The following SERPINB7 variants were observed in gnomAD, a reference collection of about 807,000 sequenced individuals.
SERPINB7 encodes serpin family B member 7, also known as serpin B7.
In SERPINB7, 31 loss-of-function variants were observed where a neutral mutation model predicts 37.4. That is an observed-to-expected ratio of 0.83 (90% CI 0.62 to 1.12). The LOEUF (loss-of-function observed/expected upper bound fraction) is 1.12. Ranked by LOEUF, SERPINB7 falls within the 50% of genes most tolerant of loss-of-function variation. The pLI is 0.00. For missense variants in SERPINB7, 521 were observed against 455.3 expected (o/e 1.14, Z -1.31); for synonymous variants, 163 against 166.1 (o/e 0.98, Z 0.14).
At chr18:63,785,429 A>G (rs1278858221) in intron 2 of SERPINB7, among the ~76,000 whole-genome samples, 1 of 152,090 alleles carries the variant, frequency 6.6e-6, no homozygotes, top group Non-Finnish European at 1.5e-5. Flanking sequence ...AATCCTTCCC[A>G]ATAACTTTAA....
At chr18:63,767,313 A>G (rs1231293451) in intron 1 of SERPINB7, among the ~76,000 whole-genome samples, 3 of 152,162 alleles carry the variant, frequency 2.0e-5, no homozygotes, top group Non-Finnish European at 2.9e-5. Flanking sequence ...GGGGTGGGCT[A>G]AGTTAAATAA....
chr18:63,756,793 C>T (rs2049124363), intron 1 of SERPINB7, among the ~76,000 whole-genome samples: 2 of 124,852 alleles, frequency 1.6e-5, no homozygotes, highest in Non-Finnish European at 3.4e-5. Flanking sequence ...TTTCCAGGGT[C>T]TTGGGGTAGC....
At chr18:63,768,995 T>A (rs2049195425) in intron 1 of SERPINB7, among the ~76,000 whole-genome samples, 1 of 152,200 alleles carries the variant, frequency 6.6e-6, no homozygotes, top group Admixed American at 6.5e-5. Flanking sequence ...ATTTAACACC[T>A]GTTGAGGAAT....
intron 1 of SERPINB7, among the ~76,000 whole-genome samples, chr18:63,756,804 T>TTGTGTG (rs74169985): frequency 0.33 from 45,714 of 136,940 alleles, 8,683 homozygotes; most frequent in East Asian, 0.43. Context: ...TTGGGGTAGC[T>TTGTGTG]TGTGTGTGTG....
chr18:63,766,098 C>T (rs73469952), intron 1 of SERPINB7, among the ~76,000 whole-genome samples: 2,817 of 152,238 alleles, frequency 0.019, 33 homozygotes, highest in Middle Eastern at 0.027. Context: ...GGGCACCTAA[C>T]AACTGTGTAA....
intron 1 of SERPINB7, among the ~76,000 whole-genome samples, chr18:63,761,177 T>G (rs2049151875): frequency 6.6e-6 from 1 of 152,232 alleles, no homozygotes. Flanking sequence ...ACCTCTTGCA[T>G]CAGCATGACC....
rs186860511 is a variant in SERPINB7 at position 63,776,314 on chromosome 18, C to T, written c.-19+598C>T. On this transcript the variant is annotated intron_variant, in intron 1 of 7. Transcript: ENST00000398019. ...CCATTCTTTCACCAACAAAACCTCC[C>T]CACCCACTAGGGGTAACTAAAGCAG... Among the ~76,000 whole-genome samples the T allele has an allele frequency of 4.4e-3, 668 of 152,124 alleles. 2 individuals carry two copies. Among genetic ancestry groups the T allele is most frequent in the Non-Finnish European group, 6.1e-3 (417 of 67,992 alleles).
intron 1 of SERPINB7, among the ~76,000 whole-genome samples, chr18:63,759,213 A>T (rs539085883): frequency 1.3e-5 from 2 of 151,724 alleles, no homozygotes; most frequent in African/African-American, 2.4e-5. Flanking sequence ...TATTAAATGT[A>T]TTGTGTTTTT....
intron 7 of SERPINB7, among the ~76,000 whole-genome samples, chr18:63,803,070 A>G (rs1328905851): frequency 6.6e-6 from 1 of 152,212 alleles, no homozygotes; most frequent in Middle Eastern, 3.2e-3. Flanking sequence ...AAGCAAGCTA[A>G]CAATATAGTT....
intron 1 of SERPINB7, among the ~76,000 whole-genome samples, chr18:63,761,140 C>A (rs1281729582): frequency 6.6e-6 from 1 of 152,202 alleles, no homozygotes; most frequent in African/African-American, 2.4e-5. Flanking sequence ...GCCACAGGGG[C>A]AGAGCTGTCC....
intron 5 of SERPINB7, among the ~76,000 whole-genome samples, chr18:63,796,796 T>C (rs1176447715): frequency 6.6e-6 from 1 of 152,214 alleles, no homozygotes; most frequent in Non-Finnish European, 1.5e-5. Flanking sequence ...GACCACAGCA[T>C]AACATTTCAT....
chr18:63,786,616 CT>C (rs56247165), intron 2 of SERPINB7, among the ~76,000 whole-genome samples: 91,913 of 151,596 alleles, frequency 0.61, 29,144 homozygotes, highest in African/African-American at 0.79. Context: ...TTCATAGTAT[CT>C]TTTTTTTTAA....
intron 3 of SERPINB7, 65 bp downstream of exon 3, chr18:63,792,508 A>G (rs1404814742): frequency 9.1e-6 from 10 of 1,095,396 alleles, no homozygotes; most frequent in Non-Finnish European, 1.4e-5. Context: ...CAAGCCTGTA[A>G]TACCAGAACT....
In SERPINB7 at chr18:63,798,604, G is replaced by T. The variant is rs202182550; in HGVS notation, c.455G>T (p.Gly152Val). ...TTTCCCTCAATTTTTTTTTCAAAAG[G>T]CAAAATCAAGAACGTGATTGGTGAA... is the stretch of plus-strand genomic sequence containing the variant. ...INKWVENETH[G>V]KIKNVIGEGG... Residue 152 changes from glycine to valine, a missense_variant and splice_region_variant, in exon 6 of 8, where the codon GGC (glycine) becomes GTC (valine). Physicochemically the swap from Gly to Val is moderately radical, Grantham distance 109. Transcript: ENST00000398019. 42 of 1,523,592 alleles carry T rather than the reference G, an allele frequency of 2.8e-5. No homozygotes were observed. In the East Asian group the frequency reaches 7.4e-4, roughly 27 times the overall value. The allele number at this position is 1,523,592 out of a possible 1,614,324, so 94.4% of individuals were successfully genotyped here.
In SERPINB7 at chr18:63,796,334, A is replaced by C; in HGVS notation, c.405A>C (p.Leu135Phe). Residue 135 changes from leucine (L) to phenylalanine (F), a missense_variant, in exon 5 of 8, where the codon TTA becomes TTC. By Grantham distance (22) the Leu-to-Phe change is conservative. Coordinates refer to ENST00000398019, the MANE Select transcript of SERPINB7 (RefSeq NM_003784.4). ...KVERVDFTNH[L>F]EDTRRNINKW... ...AGCGAGTTGACTTTACGAATCATTT[A>C]GAAGACACTAGACGTAATATTAATA... 1 of 1,612,670 alleles carries C rather than the reference A, an allele frequency of 6.2e-7. No individual in the cohort carries two copies. The highest frequency in any genetic ancestry group is 1.1e-5 in the South Asian group (1 of 91,000).
Position 63,804,396 on chromosome 18 carries a change from G to A in SERPINB7, c.904G>A (p.Glu302Lys), listed in dbSNP as rs1390710043. The A allele has an allele frequency of 1.2e-6, 2 of 1,613,778 alleles. No individual in the cohort carries two copies. The highest frequency in any genetic ancestry group is 2.2e-5 in the South Asian group (2 of 91,074). The part of the protein sequence containing the change: ...RALGLKDIFD[E>K]SKADLSGIAS... ...CCTAGGGCTGAAAGATATCTTTGAT[G>A]AATCCAAAGCAGATCTCTCTGGGAT... The change falls in exon 8 of 8, where the codon GAA (glutamate) becomes AAA (lysine). Residue 302 changes from glutamate to lysine, a missense_variant. Coordinates refer to ENST00000398019, the MANE Select transcript of SERPINB7 (RefSeq NM_003784.4).
intron 2 of SERPINB7, among the ~76,000 whole-genome samples, chr18:63,784,741 A>C (rs144934091): frequency 6.6e-6 from 1 of 152,314 alleles, no homozygotes; most frequent in African/African-American, 2.4e-5. Flanking sequence ...ATTTGATGAT[A>C]AAACAAATAA....
At position 63,787,078 on chromosome 18, in the gene SERPINB7, G is replaced by A. The variant is rs187938043; in HGVS notation, c.168+4538G>A. On this transcript the variant is annotated intron_variant, in intron 2 of 7. Transcript: ENST00000398019. ...CATATACAACCTATACATATAGCATGAAGGTAATTTTATACTACATTTTAA... is the reference window on the plus strand; with the variant it reads ...CATATACAACCTATACATATAGCATAAAGGTAATTTTATACTACATTTTAA... Among the ~76,000 whole-genome samples, 87 of 152,214 alleles carry A rather than the reference G, an allele frequency of 5.7e-4. No homozygotes were observed. In the Middle Eastern group the frequency reaches 0.01, roughly 18 times the overall value.
At chr18:63,803,722 G>A (rs1257574759) in intron 7 of SERPINB7, among the ~76,000 whole-genome samples, 2 of 152,202 alleles carry the variant, frequency 1.3e-5, no homozygotes, top group African/African-American at 2.4e-5. Flanking sequence ...ATGGGTAACT[G>A]CACTGGGAGA....
Sources: gnomAD v4.1 joint callset for allele counts (sites outside exome capture counted in the v4.1 genomes callset) on GRCh38, gnomAD v4.1.1 for gene constraint, MANE v1.5 for transcripts, NCBI Gene and HGNC (gene_info 2026-07-23, HGNC 2026-07-21) for gene names.